Variants in NRCAM observed in about 807,000 individuals in gnomAD.
NRCAM encodes the protein neuronal cell adhesion molecule, also known as NgCAM-related cell adhesion molecule.
Under a neutral mutation model 156.5 loss-of-function variants are expected in NRCAM, and 83 were observed. That is an observed-to-expected ratio of 0.53 (90% CI 0.44 to 0.64). The LOEUF (loss-of-function observed/expected upper bound fraction) is 0.64, where lower values mean the gene tolerates loss of function less well. Among genes scored for constraint, NRCAM ranks in the 30% least tolerant of loss-of-function variants. NRCAM has a pLI of 0.00. For missense variants in NRCAM, 1,417 were observed against 1,597.3 expected (o/e 0.89, Z 1.92); for synonymous variants, 538 against 563.9 (o/e 0.95, Z 0.65).
chr7:108,194,491 A>T, intron 15 of NRCAM, 63 bp from the exon 16 acceptor site: 1 of 1,180,840 alleles, frequency 8.5e-7, no homozygotes, highest in Non-Finnish European at 1.2e-6. Flanking sequence ...TCAGACATAA[A>T]ATGCCATGTT....
chr7:108,440,115 T>C (rs1836914551), intron 1 of NRCAM, among the ~76,000 whole-genome samples: 1 of 152,154 alleles, frequency 6.6e-6, no homozygotes, highest in South Asian at 2.1e-4. Flanking sequence ...AAACAGTCCA[T>C]ATGTCTATCC....
At chr7:108,206,498 G>C (rs549552762) in intron 13 of NRCAM, among the ~76,000 whole-genome samples, 3 of 152,124 alleles carry the variant, frequency 2.0e-5, no homozygotes, top group Non-Finnish European at 4.4e-5. Flanking sequence ...GGCTGGGTTT[G>C]ATGCTGAAAC....
chr7:108,175,161 G>T (rs75523961), intron 28 of NRCAM, among the ~76,000 whole-genome samples, 161 bp downstream of exon 28: 269 of 152,320 alleles, frequency 1.8e-3, no homozygotes, highest in African/African-American at 6.2e-3. Flanking sequence ...TACTTGTAAA[G>T]AAAGGACTAG....
rs796654844 is a variant in NRCAM at position 108,443,891 on chromosome 7, GATACATACATAC to G, written c.-332+12340_-332+12351del. On this transcript the variant is annotated intron_variant, in intron 1 of 32. Transcript: ENST00000379028. ...CAAAGTATACAGATATAGATAGATA[GATACATACATAC>G]ATACATACATACATACATACATACA... Among the ~76,000 whole-genome samples, 390 of 145,908 alleles carry G rather than the reference GATACATACATAC, an allele frequency of 2.7e-3. 16 individuals carry two copies. In the East Asian group the frequency reaches 0.058, roughly 22 times the overall value.
At chr7:108,292,992 C>T (rs1399606844) in intron 3 of NRCAM, among the ~76,000 whole-genome samples, 1 of 152,058 alleles carries the variant, frequency 6.6e-6, no homozygotes, top group Non-Finnish European at 1.5e-5. Context: ...TGCTAAAATC[C>T]ATTTACAAGT....
At chr7:108,450,068 G>A (rs1024328980) in intron 1 of NRCAM, among the ~76,000 whole-genome samples, 4 of 152,028 alleles carry the variant, frequency 2.6e-5, no homozygotes, top group Admixed American at 2.6e-4. Flanking sequence ...ATTTTTGCCT[G>A]ACAGTACCTG....
chr7:108,419,189 T>C (rs923459335), intron 1 of NRCAM, among the ~76,000 whole-genome samples: 7 of 152,202 alleles, frequency 4.6e-5, no homozygotes, highest in African/African-American at 1.7e-4. Context: ...ACGTTAGTCA[T>C]TGTATTCCTA....
intron 2 of NRCAM, among the ~76,000 whole-genome samples, chr7:108,397,854 A>G (rs1168355149): frequency 6.6e-6 from 1 of 152,218 alleles, no homozygotes; most frequent in Non-Finnish European, 1.5e-5. Flanking sequence ...TGGAAAGGTC[A>G]CCGTATTTGT....
chr7:108,167,452 A>C (rs2055258841), intron 29 of NRCAM, among the ~76,000 whole-genome samples: 1 of 139,452 alleles, frequency 7.2e-6, no homozygotes, highest in Admixed American at 6.7e-5. Context: ...CTATGGGAAG[A>C]ATTGTTTTTT....
intron 1 of NRCAM, among the ~76,000 whole-genome samples, chr7:108,401,296 T>A (rs900410175): frequency 5.3e-5 from 8 of 151,826 alleles, no homozygotes; most frequent in African/African-American, 1.9e-4. Flanking sequence ...ATCCCACCAC[T>A]TTAGGAGGCT....
At chr7:108,267,548 AAAC>A (rs1328350601) in intron 3 of NRCAM, among the ~76,000 whole-genome samples, 1 of 152,260 alleles carries the variant, frequency 6.6e-6, no homozygotes, top group Non-Finnish European at 1.5e-5. Context: ...ACTTAGGAAA[AAAC>A]AAAAACCCCA....
intron 3 of NRCAM, among the ~76,000 whole-genome samples, chr7:108,251,562 G>C (rs911080622): frequency 3.9e-5 from 6 of 152,162 alleles, no homozygotes; most frequent in African/African-American, 1.4e-4. Context: ...CCAGCACAGA[G>C]GGAAAAACCA....
chr7:108,418,805 G>A (rs575704484), intron 1 of NRCAM, among the ~76,000 whole-genome samples: 24 of 152,090 alleles, frequency 1.6e-4, no homozygotes, highest in Admixed American at 1.5e-3. Context: ...TTATTTTATA[G>A]CATAAACATT....
At chr7:108,420,379 A>C (rs1447003420) in intron 1 of NRCAM, among the ~76,000 whole-genome samples, 2 of 152,164 alleles carry the variant, frequency 1.3e-5, no homozygotes, top group Non-Finnish European at 2.9e-5. Flanking sequence ...CTTTGCTAAA[A>C]AAAGTCTGTG....
intron 1 of NRCAM, among the ~76,000 whole-genome samples, chr7:108,434,035 T>C (rs936892291): frequency 1.3e-5 from 2 of 152,176 alleles, no homozygotes; most frequent in Non-Finnish European, 2.9e-5. Context: ...GGGACAAAAC[T>C]GTCAAAAAAT....
chr7:108,177,459 T>C (rs1301893260), intron 26 of NRCAM, among the ~76,000 whole-genome samples: 7 of 151,892 alleles, frequency 4.6e-5, no homozygotes, highest in Non-Finnish European at 7.4e-5. Context: ...CCGTCTCTAC[T>C]AAAAATACAA....
intron 3 of NRCAM, among the ~76,000 whole-genome samples, chr7:108,261,389 C>G (rs967088526): frequency 2.6e-5 from 4 of 152,204 alleles, no homozygotes; most frequent in Admixed American, 2.0e-4. Flanking sequence ...GTATAGCTCT[C>G]TTTTGCTCCA....
chr7:108,323,369 A>G (rs2099025100), intron 2 of NRCAM, among the ~76,000 whole-genome samples: 1 of 152,082 alleles, frequency 6.6e-6, no homozygotes, highest in South Asian at 2.1e-4. Flanking sequence ...TCCCAGCATC[A>G]TTTGCATTTA....
intron 19 of NRCAM, among the ~76,000 whole-genome samples, chr7:108,190,902 GATA>G (rs1481813797): frequency 2.7e-5 from 1 of 36,706 alleles, no homozygotes; most frequent in Non-Finnish European, 2.1e-4. Flanking sequence ...TTTGTAGAAT[GATA>G]TTAGAAATAG....
Sources: gnomAD v4.1 joint callset for allele counts (sites outside exome capture counted in the v4.1 genomes callset) on GRCh38, gnomAD v4.1.1 for gene constraint, MANE v1.5 for transcripts, NCBI Gene and HGNC (gene_info 2026-07-23, HGNC 2026-07-21) for gene names.